Variants in GRID2IP observed in about 807,000 individuals in gnomAD.
GRID2IP encodes the protein Grid2 interacting protein, also known as delphilin.
GRID2IP carries 78 observed loss-of-function variants against 114.3 expected under a neutral mutation model. That is an observed-to-expected ratio of 0.68 (90% CI 0.57 to 0.82). The LOEUF (loss-of-function observed/expected upper bound fraction) is 0.82. Ranked by LOEUF, GRID2IP falls within the 40% of genes least tolerant of loss-of-function variation. The pLI, the probability that GRID2IP is intolerant of heterozygous loss-of-function variation, is 0.00. For missense variants in GRID2IP, 1,727 were observed against 1,678.5 expected (o/e 1.03, Z -0.51); for synonymous variants, 809 against 724.0 (o/e 1.12, Z -1.89).
At position 6,535,873 on chromosome 7, in the gene GRID2IP, C is replaced by T. The variant is rs146030343; in HGVS notation, c.584+3845G>A. 4.1e-3 allele frequency among the ~76,000 whole-genome samples: 631 copies of T among 152,216 alleles called. 2 individuals carry two copies. The highest frequency in any genetic ancestry group is 0.015 in the African/African-American group (604 of 41,542). ...CTGTATGGCTAGCACCTGGCCCATC[C>T]GAACTCTCCTTGGGGACTGTCCTCC... On this transcript the variant is annotated intron_variant, in intron 2 of 21. Coordinates refer to ENST00000457091, the MANE Select transcript of GRID2IP (RefSeq NM_001145118.2).
In GRID2IP at chr7:6,508,586, A is replaced by AG. The variant is rs1411769982; in HGVS notation, c.2128-186dup. ...TCTCACAGGTTAACCTCAGGCTGTGAGGGGGATAGCCTGGGCTAAGGATAG... is the reference window on the plus strand; with the variant it reads ...TCTCACAGGTTAACCTCAGGCTGTGAGGGGGGATAGCCTGGGCTAAGGATAG... On this transcript the variant is annotated intron_variant, in intron 12 of 21. Coordinates refer to ENST00000457091, the MANE Select transcript of GRID2IP (RefSeq NM_001145118.2). The surrounding 1 kb of genome is among the most constrained non-coding windows in gnomAD (Gnocchi z 5.6). Among the ~76,000 whole-genome samples, 2 of 151,534 alleles carry AG rather than the reference A, an allele frequency of 1.3e-5. No individual in the cohort carries two copies. Among genetic ancestry groups the AG allele is most frequent in the Non-Finnish European group, 2.9e-5 (2 of 67,858 alleles).
At chr7:6,515,610 C>A (rs982795192) in intron 7 of GRID2IP, among the ~76,000 whole-genome samples, 4 of 151,442 alleles carry the variant, frequency 2.6e-5, no homozygotes, top group East Asian at 1.9e-4. Context: ...AACCCTGTTT[C>A]TACAAAAAAA....
intron 1 of GRID2IP, among the ~76,000 whole-genome samples, chr7:6,546,359 G>T (rs1377603679): frequency 2.1e-4 from 32 of 150,992 alleles, no homozygotes; most frequent in Non-Finnish European, 7.4e-5. Context: ...TTACAGGTGT[G>T]AGCCACCGTG....
rs758529803 is a variant in GRID2IP, at chr7:6,516,706, C to A, written c.1269-2177G>T. 6.6e-6 allele frequency among the ~76,000 whole-genome samples: 1 copy of A among 152,212 alleles called. No homozygotes were observed. The highest frequency in any genetic ancestry group is 1.5e-5 in the Non-Finnish European group (1 of 68,036). On this transcript the variant is annotated intron_variant, in intron 7 of 21. Transcript: ENST00000457091. This position sits in a 1 kb window ranked among gnomAD's most constrained non-coding sequence, Gnocchi z 4.3. The stretch of plus-strand genomic sequence containing the variant: ...AGTGGTCACGCTCCTGGTCCGCATT[C>A]ATGTTCTGCCCTGTGCACTCGGCTC...
intron 15 of GRID2IP, 22 bp from the exon 16 acceptor site, chr7:6,503,709 G>C: frequency 6.9e-7 from 1 of 1,447,604 alleles, no homozygotes; most frequent in Non-Finnish European, 9.1e-7. Flanking sequence ...GCGGGGCGGT[G>C]AGCTGGGCGG....
intron 20 of GRID2IP, among the ~76,000 whole-genome samples, chr7:6,500,587 G>A (rs1041513591): frequency 6.6e-6 from 1 of 152,226 alleles, no homozygotes; most frequent in African/African-American, 2.4e-5. Flanking sequence ...AAGGGCAGGG[G>A]TAGATCTGAC....
intron 2 of GRID2IP, 135 bp downstream of exon 2, chr7:6,539,583 G>A (rs1026678379): frequency 1.0e-4 from 83 of 820,206 alleles, no homozygotes; most frequent in African/African-American, 3.1e-4. Context: ...GTTATGTTGC[G>A]ATGCTGTTCA....
chr7:6,526,447 C>T lies in GRID2IP; in HGVS notation c.833+74G>A. ...CAGATGCCCAGCCCCGCCCCTACGC[C>T]CTCTCCCCGGGTCTCGGTCCCGAGC... On this transcript the variant is annotated intron_variant, in intron 3 of 21. Transcript: ENST00000457091. This position sits in a 1 kb window ranked among gnomAD's most constrained non-coding sequence, Gnocchi z 7.6. 1 of 1,483,172 alleles carries T rather than the reference C, an allele frequency of 6.7e-7. No individual in the cohort carries two copies. The highest frequency in any genetic ancestry group is 9.0e-7 in the Non-Finnish European group (1 of 1,115,308). The allele number at this position is 1,483,172 out of a possible 1,614,324, so 91.9% of individuals were successfully genotyped here.
At chr7:6,539,485 C>T (rs1254178918) in intron 2 of GRID2IP, among the ~76,000 whole-genome samples, 2 of 152,134 alleles carry the variant, frequency 1.3e-5, no homozygotes, top group Admixed American at 1.3e-4. Context: ...TGGCCCTTCT[C>T]CCATCACTCA....
chr7:6,526,919 G>C lies in GRID2IP; in HGVS notation c.585-150C>G, dbSNP rs1244956551. On this transcript the variant is annotated intron_variant, in intron 2 of 21. Transcript: ENST00000457091. This position sits in a 1 kb window ranked among gnomAD's most constrained non-coding sequence, Gnocchi z 7.6. ...AGGGCTGGGGGGATCGGGATGAGCA[G>C]CCGGTAGCACCCCAGTCTCCCCCTC... The C allele has an allele frequency of 1.1e-6, 1 of 910,468 alleles. No homozygotes were observed. The highest frequency in any genetic ancestry group is 1.8e-5 in the African/African-American group (1 of 56,960). 56.4% of individuals were successfully genotyped at this position (910,468 alleles called of 1,614,324 possible).
chr7:6,530,170 G>A (rs1250224553), intron 2 of GRID2IP, among the ~76,000 whole-genome samples: 1 of 152,030 alleles, frequency 6.6e-6, no homozygotes, highest in Non-Finnish European at 1.5e-5. Flanking sequence ...GTTTTAGCCA[G>A]AACGGTCTCA....
rs75926488 is a variant in GRID2IP at position 6,506,388 on chromosome 7, G to A, written c.2545-481C>T. ...CTGTGATGAATGGCATAGATGAGAG[G>A]TAACAGCCTGGGGCTGGGGCAGGGA... On this transcript the variant is annotated intron_variant, in intron 13 of 21. Coordinates refer to ENST00000457091, the MANE Select transcript of GRID2IP (RefSeq NM_001145118.2). This position sits in a 1 kb window ranked among gnomAD's most constrained non-coding sequence, Gnocchi z 5.2. 0.019 allele frequency among the ~76,000 whole-genome samples: 2,922 copies of A among 152,224 alleles called. 84 individuals carry two copies. Among genetic ancestry groups the A allele is most frequent in the African/African-American group, 0.067 (2,774 of 41,518 alleles).
chr7:6,501,209 G>T (rs1395673796), intron 20 of GRID2IP, among the ~76,000 whole-genome samples: 1 of 152,154 alleles, frequency 6.6e-6, no homozygotes, highest in East Asian at 1.9e-4. Context: ...AAATAAGCCA[G>T]GTGTGGTGGT....
intron 15 of GRID2IP, 125 bp downstream of exon 15, chr7:6,504,668 G>A (rs1786524249): frequency 2.7e-6 from 2 of 740,138 alleles, no homozygotes; most frequent in South Asian, 1.8e-5. Context: ...GGCCTTCACC[G>A]CGCTGAGCGA....
chr7:6,529,520 T>C (rs1297748682), intron 2 of GRID2IP, among the ~76,000 whole-genome samples: 2 of 152,192 alleles, frequency 1.3e-5, no homozygotes, highest in Non-Finnish European at 2.9e-5. Context: ...TGGAAGAAGG[T>C]TGGGCAGCCC....
At chr7:6,499,806 T>C (rs947557900) in intron 20 of GRID2IP, among the ~76,000 whole-genome samples, 6 of 152,088 alleles carry the variant, frequency 3.9e-5, no homozygotes, top group African/African-American at 1.4e-4. Flanking sequence ...CATACCTCAC[T>C]GTAACCTTGA....
At chr7:6,510,003 T>C (rs1215467446) in intron 11 of GRID2IP, among the ~76,000 whole-genome samples, 1 of 151,838 alleles carries the variant, frequency 6.6e-6, no homozygotes, top group Non-Finnish European at 1.5e-5. Context: ...TAATTTTGTA[T>C]TTTTTTTGTT....
At chr7:6,545,657 C>G (rs547226177) in intron 1 of GRID2IP, among the ~76,000 whole-genome samples, 22 of 152,344 alleles carry the variant, frequency 1.4e-4, no homozygotes, top group Admixed American at 2.6e-4. Context: ...CTGTCTCCCC[C>G]ACCCAGGTGT....
intron 18 of GRID2IP, 61 bp from the exon 19 acceptor site, chr7:6,502,179 C>A (rs1786434779): frequency 5.5e-6 from 8 of 1,454,704 alleles, no homozygotes; most frequent in Non-Finnish European, 6.5e-6. Flanking sequence ...GTCACATGGG[C>A]CCAGCTTCTC....
Sources: gnomAD v4.1 joint callset for allele counts (sites outside exome capture counted in the v4.1 genomes callset) on GRCh38, gnomAD v4.1.1 for gene constraint, Gnocchi (gnomAD v3.1) non-coding constraint, MANE v1.5 for transcripts, NCBI Gene and HGNC (gene_info 2026-07-23, HGNC 2026-07-21) for gene names.